Variants in KCNIP1 observed in about 807,000 individuals in gnomAD.
KCNIP1 encodes potassium voltage-gated channel interacting protein 1.
Under a neutral mutation model 33.0 loss-of-function variants are expected in KCNIP1, and 18 were observed. The ratio of observed to expected loss-of-function variants is 0.55; its 90% CI spans 0.38 to 0.81. KCNIP1 has a LOEUF of 0.81. Ranked by LOEUF, KCNIP1 falls within the 30% of genes least tolerant of loss-of-function variation. The probability of loss-of-function intolerance (pLI) is 0.00; values close to 1 mark genes in which losing one functional copy is unlikely to be tolerated. For missense variants in KCNIP1, 238 were observed against 271.6 expected (o/e 0.88, Z 0.87); for synonymous variants, 93 against 98.3 (o/e 0.95, Z 0.32).
intron 1 of KCNIP1, among the ~76,000 whole-genome samples, chr5:170,706,947 C>A (rs1334490830): frequency 2.0e-5 from 3 of 152,088 alleles, no homozygotes; most frequent in African/African-American, 7.2e-5. Flanking sequence ...ATCAATTGTT[C>A]ATTTACTGGC....
intron 1 of KCNIP1, among the ~76,000 whole-genome samples, chr5:170,428,468 T>C (rs1755662510): frequency 6.6e-6 from 1 of 152,040 alleles, no homozygotes; most frequent in Non-Finnish European, 1.5e-5. Context: ...TGATGGAATT[T>C]AACAACAAGG....
At chr5:170,701,549 C>G (rs1412485836) in intron 1 of KCNIP1, among the ~76,000 whole-genome samples, 2 of 152,208 alleles carry the variant, frequency 1.3e-5, no homozygotes, top group African/African-American at 4.8e-5. Flanking sequence ...CTCATTCATC[C>G]TCTCAAACTA....
At chr5:170,577,939 T>G (rs1028757916) in intron 1 of KCNIP1, among the ~76,000 whole-genome samples, 2 of 152,190 alleles carry the variant, frequency 1.3e-5, no homozygotes, top group Non-Finnish European at 2.9e-5. Context: ...ATTTTAAATT[T>G]TTTACAATTT....
intron 1 of KCNIP1, among the ~76,000 whole-genome samples, chr5:170,395,210 C>T (rs555144048): frequency 6.6e-6 from 1 of 152,262 alleles, no homozygotes; most frequent in South Asian, 2.1e-4. Context: ...TTTATATTTC[C>T]ACCAACAGTG....
At chr5:170,485,381 C>A (rs1469158474) in intron 1 of KCNIP1, among the ~76,000 whole-genome samples, 1 of 152,214 alleles carries the variant, frequency 6.6e-6, no homozygotes, top group African/African-American at 2.4e-5. Flanking sequence ...CCACACCTCT[C>A]CACATCCCAA....
chr5:170,591,497 A>G (rs1047199229), intron 1 of KCNIP1, among the ~76,000 whole-genome samples: 4 of 152,230 alleles, frequency 2.6e-5, no homozygotes, highest in Non-Finnish European at 1.5e-5. Flanking sequence ...TGCGCAGTTC[A>G]GTACCACCAA....
chr5:170,671,478 G>A (rs1193596774), intron 1 of KCNIP1, among the ~76,000 whole-genome samples: 2 of 152,110 alleles, frequency 1.3e-5, no homozygotes, highest in East Asian at 1.9e-4. Flanking sequence ...CCTCAAGGAG[G>A]GCAGCCCTGA....
chr5:170,459,334 C>A (rs534715699), intron 1 of KCNIP1, among the ~76,000 whole-genome samples: 1 of 152,216 alleles, frequency 6.6e-6, no homozygotes, highest in East Asian at 1.9e-4. Flanking sequence ...TATCCTGGAA[C>A]AAATGGACTT....
chr5:170,465,876 A>T (rs980382772), intron 1 of KCNIP1, among the ~76,000 whole-genome samples: 2 of 152,202 alleles, frequency 1.3e-5, no homozygotes, highest in African/African-American at 4.8e-5. Context: ...CTGAAAGAAG[A>T]CCAATGTTTC....
At chr5:170,462,551 C>G (rs10051858) in intron 1 of KCNIP1, among the ~76,000 whole-genome samples, 30,620 of 152,074 alleles carry the variant, frequency 0.2, 3,275 homozygotes, top group Non-Finnish European at 0.24. Context: ...ACTAGTACAA[C>G]CACTATGGAA....
chr5:170,385,419 T>C (rs767045196), intron 1 of KCNIP1: 2 of 1,614,146 alleles, frequency 1.2e-6, no homozygotes, highest in South Asian at 1.1e-5. Context: ...CTCTCCCCGC[T>C]TCTGGGCCAT....
chr5:170,385,340 C>G (rs765682588), intron 1 of KCNIP1: 2 of 1,614,066 alleles, frequency 1.2e-6, no homozygotes, highest in African/African-American at 1.3e-5. Flanking sequence ...GCAGCACAGT[C>G]GTGACCAGGA....
chr5:170,441,847 G>T (rs987118098), intron 1 of KCNIP1, among the ~76,000 whole-genome samples: 1 of 151,350 alleles, frequency 6.6e-6, no homozygotes, highest in African/African-American at 2.4e-5. Context: ...AGCTACTCGG[G>T]AGGCTGAGGC....
chr5:170,683,889 A>AGTGTGTGT (rs756936341), intron 1 of KCNIP1, among the ~76,000 whole-genome samples: 1,550 of 124,662 alleles, frequency 0.012, 25 homozygotes, highest in Non-Finnish European at 0.018. Context: ...ATGCCCAGCT[A>AGTGTGTGT]GTGTATGTGT....
chr5:170,544,178 C>T (rs563919022), intron 1 of KCNIP1, among the ~76,000 whole-genome samples: 3 of 152,040 alleles, frequency 2.0e-5, no homozygotes, highest in East Asian at 1.9e-4. Flanking sequence ...TTTGGGAGGC[C>T]GAGGCCAGCG....
At chr5:170,377,417 G>A (rs1764049311) in intron 1 of KCNIP1, 1 of 152,164 alleles carries the variant, frequency 6.6e-6, no homozygotes, top group Admixed American at 6.5e-5. Context: ...CCTGGAGTGG[G>A]AATGGTAAAG....
intron 1 of KCNIP1, among the ~76,000 whole-genome samples, chr5:170,670,195 T>TTTC (rs1761859381): frequency 1.3e-5 from 2 of 152,166 alleles, no homozygotes; most frequent in South Asian, 2.1e-4. Context: ...CCTCTAATAT[T>TTTC]TTCTTAGTGA....
chr5:170,718,945 A>C (rs926972414), intron 2 of KCNIP1, 63 bp downstream of exon 2: 16 of 1,568,998 alleles, frequency 1.0e-5, no homozygotes, highest in Non-Finnish European at 1.4e-5. Flanking sequence ...CACTCTCCCC[A>C]ATGCCAAGGG....
chr5:170,388,694 A>G (rs992237606), intron 1 of KCNIP1, among the ~76,000 whole-genome samples: 3 of 152,140 alleles, frequency 2.0e-5, no homozygotes, highest in African/African-American at 7.2e-5. Flanking sequence ...GGACAGGGCG[A>G]TTCTGAGGTC....
Sources: gnomAD v4.1 joint callset for allele counts (sites outside exome capture counted in the v4.1 genomes callset) on GRCh38, gnomAD v4.1.1 for gene constraint, MANE v1.5 for transcripts, NCBI Gene and HGNC (gene_info 2026-07-23, HGNC 2026-07-21) for gene names.